The following PLAGL2 variants were observed in gnomAD, a reference collection of about 807,000 sequenced individuals.
PLAGL2 encodes the protein PLAG1 like zinc finger 2.
In PLAGL2, 7 loss-of-function variants were observed where a neutral mutation model predicts 29.0. The observed-to-expected ratio is 0.24, with a 90% CI of 0.14 to 0.45. The LOEUF is 0.45. Among genes scored for constraint, PLAGL2 ranks in the 20% least tolerant of loss-of-function variants. The pLI, the probability that PLAGL2 is intolerant of heterozygous loss-of-function variation, is 0.99. For missense variants in PLAGL2, 454 were observed against 648.2 expected (o/e 0.70, Z 3.25); for synonymous variants, 234 against 266.0 (o/e 0.88, Z 1.17).
Position 32,194,223 on chromosome 20 carries a change from A to G in PLAGL2, c.*2229T>C, listed in dbSNP as rs1368137068. On this transcript the variant is annotated 3_prime_UTR_variant, in exon 3 of 3. Coordinates refer to ENST00000246229, the MANE Select transcript of PLAGL2 (RefSeq NM_002657.3). Reference sequence around the variant, plus strand: ...TGTAGGGAAGGTGGCAGTTAAGGTGAGAAGGGTTGCTGAGTCTAGTGATGA... The same window carrying G: ...TGTAGGGAAGGTGGCAGTTAAGGTGGGAAGGGTTGCTGAGTCTAGTGATGA... 6.6e-6 allele frequency: 1 copy of G among 151,900 alleles called. No individual in the cohort carries two copies. The highest frequency in any genetic ancestry group is 6.6e-5 in the Admixed American group (1 of 15,256). The allele number at this position is 151,900 out of a possible 1,614,324, so 9.4% of individuals were successfully genotyped here. A position where few individuals can be genotyped will look rare whatever the true frequency, so the allele number is the denominator to read the frequency against.
rs778056815 is a variant in PLAGL2 at position 32,201,958 on chromosome 20, T to C, written c.221A>G (p.His74Arg). ...EQRPYSCPQL[H>R]CGKAFASKYK... is the part of the protein sequence containing the mutation. ...TTTGGAAGCAAAAGCCTTGCCACAG[T>C]GCAGCTGAGGGCAGCTATATGGTCT... Residue 74 changes from histidine (H) to arginine (R), a missense_variant, in exon 2 of 3, where the codon CAC (histidine) becomes CGC (arginine). This residue lies in a region of PLAGL2 where 89 missense variants were observed against 90.4 expected (regional missense o/e 0.98). Coordinates refer to ENST00000246229, the MANE Select transcript of PLAGL2 (RefSeq NM_002657.3). The C allele has an allele frequency of 2.5e-6, 4 of 1,614,166 alleles. No homozygotes were observed. The highest frequency in any genetic ancestry group is 2.2e-5 in the East Asian group (1 of 44,888).
At position 32,196,194 on chromosome 20, in the gene PLAGL2, A is replaced by G; in HGVS notation, c.*258T>C. Reference sequence around the variant, plus strand: ...GAGGGCCAAGTGTGGCTCCCGATTCAGGTCAAAAAAATAAAAGTAAATAAT... The same window carrying G: ...GAGGGCCAAGTGTGGCTCCCGATTCGGGTCAAAAAAATAAAAGTAAATAAT... On this transcript the variant is annotated 3_prime_UTR_variant, in exon 3 of 3. Coordinates refer to ENST00000246229, the MANE Select transcript of PLAGL2 (RefSeq NM_002657.3). The G allele has an allele frequency of 3.3e-6, 1 of 305,016 alleles. No homozygotes were observed. Among genetic ancestry groups the G allele is most frequent in the Non-Finnish European group, 5.9e-6 (1 of 168,312 alleles). 18.9% of individuals were successfully genotyped at this position (305,016 alleles called of 1,614,324 possible). A position where few individuals can be genotyped will look rare whatever the true frequency, so the allele number is the denominator to read the frequency against.
Position 32,196,389 on chromosome 20 carries a change from G to A in PLAGL2, c.*63C>T. The A allele has an allele frequency of 8.1e-7, 1 of 1,231,806 alleles. No individual in the cohort carries two copies. Among genetic ancestry groups the A allele is most frequent in the Non-Finnish European group, 1.1e-6 (1 of 933,728 alleles). 76.3% of individuals were successfully genotyped at this position (1,231,806 alleles called of 1,614,324 possible). A position where few individuals can be genotyped will look rare whatever the true frequency, so the allele number is the denominator to read the frequency against. On this transcript the variant is annotated 3_prime_UTR_variant, in exon 3 of 3. Coordinates refer to ENST00000246229, the MANE Select transcript of PLAGL2 (RefSeq NM_002657.3). ...CTCAGCTGCCTTCATGGGGGACACAGACGGGGTGGGTACTAAGGCTCCATA... is the reference window on the plus strand; with the variant it reads ...CTCAGCTGCCTTCATGGGGGACACAAACGGGGTGGGTACTAAGGCTCCATA...
rs1020662606 is a variant in PLAGL2 at position 32,192,616 on chromosome 20, A to G, written c.*3836T>C. 6.6e-6 allele frequency: 1 copy of G among 152,656 alleles called. No individual in the cohort carries two copies. The highest frequency in any genetic ancestry group is 2.4e-5 in the African/African-American group (1 of 41,452). 9.5% of individuals were successfully genotyped at this position (152,656 alleles called of 1,614,324 possible). On this transcript the variant is annotated 3_prime_UTR_variant, in exon 3 of 3. Transcript: ENST00000246229. ...ACTTTAACAAAGATATGCCCTGTGC[A>G]TTTTCTAATGGCACTTATACTTTAC...
chr20:32,206,085 G>A (rs927692671), intron 1 of PLAGL2, among the ~76,000 whole-genome samples: 2 of 152,122 alleles, frequency 1.3e-5, no homozygotes, highest in African/African-American at 4.8e-5. Context: ...CCCTTAAGCA[G>A]AACCCAAAAT....
Position 32,198,274 on chromosome 20 carries a change from TG to T in PLAGL2, c.261-593del, listed in dbSNP as rs550910119. Among the ~76,000 whole-genome samples the T allele has an allele frequency of 1.3e-3, 195 of 152,330 alleles. 1 individual carries two copies. The highest frequency in any genetic ancestry group is 0.012 in the South Asian group (60 of 4,830). ...GGTACTTTTTGAATTTTGAATTACG[TG>T]AAAGTATTTCATTTTTTAAACATTA... On this transcript the variant is annotated intron_variant, in intron 2 of 2. Transcript: ENST00000246229.
Position 32,196,527 on chromosome 20 carries a change from C to A in PLAGL2, c.1416G>T (p.Leu472=). 1 of 1,532,080 alleles carries A rather than the reference C, an allele frequency of 6.5e-7. No homozygotes were observed. The highest frequency in any genetic ancestry group is 1.3e-5 in the South Asian group (1 of 75,942). The allele number at this position is 1,532,080 out of a possible 1,614,324, so 94.9% of individuals were successfully genotyped here. The change falls in exon 3 of 3, where the codon CTG becomes CTT. Residue 472 remains leucine (L), a synonymous_variant. Transcript: ENST00000246229. ...GAGGPLNFGP[L]HSLPPVFTSG... ...ACGTGAAGACAGGAGGCAAGGAGTG[C>A]AGAGGCCCAAAGTTCAGTGGTCCCC...
In PLAGL2 at chr20:32,196,650, A is replaced by C. The variant is rs776920452; in HGVS notation, c.1293T>G (p.Pro431=). Residue 431 remains proline, a synonymous_variant, in exon 3 of 3, where the codon CCT becomes CCG. Coordinates refer to ENST00000246229, the MANE Select transcript of PLAGL2 (RefSeq NM_002657.3). The stretch of plus-strand genomic sequence containing the variant: ...CCATGACCAGGCCTCCTGTGGCCCC[A>C]GGTGGGTTACACGGGGGCAGGTTGA... The part of the protein sequence containing the change: ...LPLNLPPCNP[P]GATGGLVMGY... The C allele has an allele frequency of 6.5e-6, 10 of 1,535,054 alleles. No homozygotes were observed. The highest frequency in any genetic ancestry group is 8.8e-6 in the Non-Finnish European group (10 of 1,142,626).
rs761790399 is a variant in PLAGL2, at chr20:32,197,696, CAG to C, written c.261-16_261-15del. On this transcript the variant is annotated splice_polypyrimidine_tract_variant and intron_variant, in intron 2 of 2. Coordinates refer to ENST00000246229, the MANE Select transcript of PLAGL2 (RefSeq NM_002657.3). This position sits in a 1 kb window ranked among gnomAD's most constrained non-coding sequence, Gnocchi z 6.6. ...GTGGCCATGTGCCTGGGGGTAGAGA[CAG>C]GGGATAGGGGAGAAAGCAGAAAGAG... 7.5e-6 allele frequency: 12 copies of C among 1,609,210 alleles called. No homozygotes were observed. The highest frequency in any genetic ancestry group is 3.3e-5 in the Admixed American group (2 of 59,866).
chr20:32,200,397 C>A (rs1220544209), intron 2 of PLAGL2, among the ~76,000 whole-genome samples: 1 of 152,124 alleles, frequency 6.6e-6, no homozygotes, highest in Non-Finnish European at 1.5e-5. Context: ...CCACCGCGCC[C>A]AGCTAATTTT....
intron 2 of PLAGL2, among the ~76,000 whole-genome samples, chr20:32,198,390 C>T (rs189148217): frequency 6.6e-6 from 1 of 152,360 alleles, no homozygotes; most frequent in East Asian, 1.9e-4. Context: ...CCTGTAATCA[C>T]AGCACTATGG....
rs772756127 is a variant in PLAGL2, at chr20:32,196,869, C to G, written c.1074G>C (p.Glu358Asp). ...GAAGCTCCGCCAGAAAACTATCCAC[C>G]TCCACTTTGGGCAATTTGTCGGGCA... ...SYLPDKLPKV[E>D]VDSFLAELPG... is the part of the protein sequence containing the mutation. The change falls in exon 3 of 3, where the codon GAG becomes GAC. Residue 358 changes from glutamate to aspartate, a missense_variant. Physicochemically the swap from Glu to Asp is conservative, Grantham distance 45. Transcript: ENST00000246229. 1 of 1,614,180 alleles carries G rather than the reference C, an allele frequency of 6.2e-7. No individual in the cohort carries two copies. The highest frequency in any genetic ancestry group is 8.5e-7 in the Non-Finnish European group (1 of 1,180,010).
At chr20:32,206,005 G>C (rs1262127503) in intron 1 of PLAGL2, among the ~76,000 whole-genome samples, 1 of 152,172 alleles carries the variant, frequency 6.6e-6, no homozygotes. Context: ...AGTTACTTGG[G>C]GATCTGAAGA....
At chr20:32,200,598 T>G (rs949885559) in intron 2 of PLAGL2, among the ~76,000 whole-genome samples, 3 of 151,764 alleles carry the variant, frequency 2.0e-5, no homozygotes, top group Non-Finnish European at 1.5e-5. Flanking sequence ...AATTGCTCTT[T>G]TTTGTTTTTT....
rs143281970 is a variant in PLAGL2, at chr20:32,200,363, G to A, written c.260+1556C>T. Among the ~76,000 whole-genome samples, 545 of 151,958 alleles carry A rather than the reference G, an allele frequency of 3.6e-3. 8 individuals are homozygous for A. Among genetic ancestry groups the A allele is most frequent in the East Asian group, 0.023 (120 of 5,134 alleles). On this transcript the variant is annotated intron_variant, in intron 2 of 2. Coordinates refer to ENST00000246229, the MANE Select transcript of PLAGL2 (RefSeq NM_002657.3). ...CACCATTCTCCTGCCTCAGCCTCCC[G>A]GTAGCTGGGACTACAGGCGCCTGCC...
At chr20:32,206,568 G>A (rs188079205) in intron 1 of PLAGL2, among the ~76,000 whole-genome samples, 1 of 152,324 alleles carries the variant, frequency 6.6e-6, no homozygotes, top group East Asian at 1.9e-4. Flanking sequence ...CCTCACCTTA[G>A]GAGAGAAAGG....
chr20:32,196,852 G>A lies in PLAGL2; in HGVS notation c.1091C>T (p.Ala364Val), dbSNP rs771964014. Residue 364 changes from alanine to valine, a missense_variant, in exon 3 of 3, where the codon GCG becomes GTG. Ala to Val is a moderately conservative substitution (Grantham distance 64). Around this residue, in one of 4 missense-constraint regions of PLAGL2, gnomAD observed 247 missense variants for 350.3 expected, o/e 0.71. Transcript: ENST00000246229. ...GAGAGACAGGCTTCCAGGAAGCTCC[G>A]CCAGAAAACTATCCACCTCCACTTT... ...LPKVEVDSFLAELPGSLSLSS... is the reference protein window; with the variant it reads ...LPKVEVDSFLVELPGSLSLSS... 14 of 1,613,926 alleles carry A rather than the reference G, an allele frequency of 8.7e-6. No individual in the cohort carries two copies. In the African/African-American group the frequency reaches 1.2e-4, roughly 14 times the overall value.
intron 1 of PLAGL2, among the ~76,000 whole-genome samples, chr20:32,207,287 C>A (rs1212668296): frequency 6.6e-6 from 1 of 152,100 alleles, no homozygotes; most frequent in Non-Finnish European, 1.5e-5. Flanking sequence ...CTGCGTCCCC[C>A]AGACCCGGGT....
rs767246438 is a variant in PLAGL2, at chr20:32,197,495, C to T, written c.448G>A (p.Ala150Thr). Residue 150 changes from alanine to threonine, a missense_variant, in exon 3 of 3, where the codon GCT becomes ACT. Ala to Thr is a moderately conservative substitution (Grantham distance 58, BLOSUM62 0). Transcript: ENST00000246229. The surrounding 1 kb of genome is among the most constrained non-coding windows in gnomAD (Gnocchi z 6.6). ...LGYRRHLAMH[A>T]ASSGDLSCKV... ...CAGCTGAGGTCACCGCTGCTGGCAG[C>T]ATGCATGGCCAGGTGGCGCCGGTAG... 6.2e-7 allele frequency: 1 copy of T among 1,613,934 alleles called. No homozygotes were observed. Among genetic ancestry groups the T allele is most frequent in the African/African-American group, 1.3e-5 (1 of 75,066 alleles).
Sources: allele counts gnomAD v4.1 joint callset (sites outside exome capture counted in the v4.1 genomes callset), GRCh38; gene constraint gnomAD v4.1.1; regional missense constraint gnomAD v4.1.1; non-coding constraint Gnocchi (gnomAD v3.1); transcripts MANE v1.5; gene names NCBI Gene and HGNC (gene_info 2026-07-23, HGNC 2026-07-21).